The following CSF3R variants were observed in gnomAD, a reference collection of about 807,000 sequenced individuals.
The protein encoded by CSF3R is granulocyte colony-stimulating factor receptor.
CSF3R carries 52 observed loss-of-function variants against 84.4 expected under a neutral mutation model. That is an observed-to-expected ratio of 0.62 (90% CI 0.49 to 0.78). The LOEUF (loss-of-function observed/expected upper bound fraction) is 0.78, where lower values mean the gene tolerates loss of function less well. Ranked by LOEUF, CSF3R falls within the 30% of genes least tolerant of loss-of-function variation. CSF3R has a pLI of 0.00. For missense variants in CSF3R, 890 were observed against 1,055.7 expected (o/e 0.84, Z 2.17); for synonymous variants, 384 against 429.1 (o/e 0.89, Z 1.30).
chr1:36,467,605 C>T lies in CSF3R; in HGVS notation c.1911G>A (p.Leu637=), dbSNP rs771688904. ...CAGTTCCACAGAGGCAGGTGAGCAA[C>T]AGCAGGAGGCCGAACAGGCCCAGGA... ...HIILGLFGLL[L]LLTCLCGTAW... is the part of the protein sequence containing the mutation. The change falls in exon 15 of 17, where the codon CTG becomes CTA. Residue 637 remains leucine (L), a synonymous_variant. Transcript: ENST00000373106. This position sits in a 1 kb window ranked among gnomAD's most constrained non-coding sequence, Gnocchi z 4.1. 1.9e-6 allele frequency: 3 copies of T among 1,614,208 alleles called. No homozygotes were observed. The highest frequency in any genetic ancestry group is 4.5e-5 in the East Asian group (2 of 44,886).
chr1:36,468,210 C>CA lies in CSF3R; in HGVS notation c.1587dup (p.Ala530CysfsTer21), dbSNP rs758886187. 3 of 1,591,030 alleles carry CA rather than the reference C, an allele frequency of 1.9e-6. No individual in the cohort carries two copies. Among genetic ancestry groups the CA allele is most frequent in the Non-Finnish European group, 2.6e-6 (3 of 1,167,940 alleles). ...ATGTGCTTTAGATGCAGCTCTGGGGCATGGGAGGGAGCTATGGGAAGAGAG... is the reference window on the plus strand; with the variant it reads ...ATGTGCTTTAGATGCAGCTCTGGGGCAATGGGAGGGAGCTATGGGAAGAGAG... On this transcript the variant is annotated frameshift_variant, in exon 13 of 17. Coordinates refer to ENST00000373106, the MANE Select transcript of CSF3R (RefSeq NM_000760.4). LOFTEE classifies it high-confidence loss of function.
At position 36,472,733 on chromosome 1, in the gene CSF3R, G is replaced by A; in HGVS notation, c.674-47C>T. ...GAAGGTCTCCCTATCCCACCCTAGA[G>A]GGCTCTGCCTTAGCTCCCTCTTGTC... On this transcript the variant is annotated intron_variant, in intron 6 of 16. Coordinates refer to ENST00000373106, the MANE Select transcript of CSF3R (RefSeq NM_000760.4). This position sits in a 1 kb window ranked among gnomAD's most constrained non-coding sequence, Gnocchi z 5.0. The A allele has an allele frequency of 6.6e-7, 1 of 1,503,888 alleles. No homozygotes were observed. The allele number at this position is 1,503,888 out of a possible 1,614,324, so 93.2% of individuals were successfully genotyped here. A position where few individuals can be genotyped will look rare whatever the true frequency, so the allele number is the denominator to read the frequency against.
chr1:36,469,359 G>C (rs1488791910), intron 11 of CSF3R, 102 bp from the exon 12 acceptor site: 2 of 928,170 alleles, frequency 2.2e-6, no homozygotes, highest in Non-Finnish European at 3.5e-6. Context: ...CTGGCCTCAT[G>C]ATTCAGGGTT....
At chr1:36,483,257 ACCCGGCCCTAAG>A (rs999168917), upstream of CSF3R, 2 of 152,252 alleles carry the variant, frequency 1.3e-5, no homozygotes, top group African/African-American at 4.8e-5. Context: ...TGGAAGGCTC[ACCCGGCCCTAAG>A]CCTCTTTTCA....
In CSF3R at chr1:36,473,551, C is replaced by A; in HGVS notation, c.557G>T (p.Cys186Phe). 2 of 1,614,226 alleles carry A rather than the reference C, an allele frequency of 1.2e-6. No homozygotes were observed. Among genetic ancestry groups the A allele is most frequent in the Non-Finnish European group, 1.7e-6 (2 of 1,180,054 alleles). ...CAGCAGGTGTTTGCGTGGGATGCAG[C>A]AGTGGCTCTGCCCGTCCTTGGGCAC... ...DCVPKDGQSHCCIPRKHLLLY... is the reference protein window; with the variant it reads ...DCVPKDGQSHFCIPRKHLLLY... Residue 186 changes from cysteine to phenylalanine, a missense_variant, in exon 6 of 17, where the codon TGC (cysteine) becomes TTC (phenylalanine). By Grantham distance (205) the Cys-to-Phe change is radical (BLOSUM62 -2). Coordinates refer to ENST00000373106, the MANE Select transcript of CSF3R (RefSeq NM_000760.4).
chr1:36,469,633 C>T lies in CSF3R; in HGVS notation c.1474+19G>A, dbSNP rs747544404. ...TCCCTTTGTCCCTGGCCCTGCCCAACTTTCCAGGCCAGCCTCACCCTTCAG... is the reference window on the plus strand; with the variant it reads ...TCCCTTTGTCCCTGGCCCTGCCCAATTTTCCAGGCCAGCCTCACCCTTCAG... On this transcript the variant is annotated intron_variant, in intron 11 of 16. Transcript: ENST00000373106. The T allele has an allele frequency of 3.1e-6, 5 of 1,613,598 alleles. No individual in the cohort carries two copies. Among genetic ancestry groups the T allele is most frequent in the Non-Finnish European group, 4.2e-6 (5 of 1,180,046 alleles).
At position 36,474,390 on chromosome 1, in the gene CSF3R, C is replaced by CTTT. The variant is rs911099378; in HGVS notation, c.362-506_362-504dup. ...GTGTTAGCAGTGGCCATTACTGGTG[C>CTTT]TTTTTTTTTTTTTTTTTTTTTTTTT... On this transcript the variant is annotated intron_variant, in intron 4 of 16. Transcript: ENST00000373106. 4.2e-3 allele frequency among the ~76,000 whole-genome samples: 365 copies of CTTT among 86,268 alleles called. 5 individuals carry two copies. The highest frequency in any genetic ancestry group is 0.014 in the East Asian group (35 of 2,550). 56.6% of individuals were successfully genotyped at this position (86,268 alleles called of 152,430 possible).
rs1234844208 is a variant in CSF3R at position 36,469,523 on chromosome 1, C to T, written c.1474+129G>A. ...TGATTATGAGGATATGAAATGAGAA[C>T]AACGAAGGATCAAGAAAGGCTGGAG... On this transcript the variant is annotated intron_variant, in intron 11 of 16. Coordinates refer to ENST00000373106, the MANE Select transcript of CSF3R (RefSeq NM_000760.4). The T allele has an allele frequency of 7.7e-6, 9 of 1,169,038 alleles. No individual in the cohort carries two copies. The Admixed American group carries it at 1.6e-4, about 21-fold the overall frequency. 72.4% of individuals were successfully genotyped at this position (1,169,038 alleles called of 1,614,324 possible). A position where few individuals can be genotyped will look rare whatever the true frequency, so the allele number is the denominator to read the frequency against.
At chr1:36,481,159 G>A (rs948322597) in intron 2 of CSF3R, among the ~76,000 whole-genome samples, 4 of 152,154 alleles carry the variant, frequency 2.6e-5, no homozygotes, top group Admixed American at 2.6e-4. Flanking sequence ...TCCCAGCCCT[G>A]TTGCCCTAGC....
At position 36,472,009 on chromosome 1, in the gene CSF3R, A is replaced by T; in HGVS notation, c.1071+57T>A. On this transcript the variant is annotated intron_variant, in intron 9 of 16. Coordinates refer to ENST00000373106, the MANE Select transcript of CSF3R (RefSeq NM_000760.4). The surrounding 1 kb of genome is among the most constrained non-coding windows in gnomAD (Gnocchi z 5.0). Reference sequence around the variant, plus strand: ...GAGTCCTAAGCCCCGGTTTGTAGGGATCTGTTTGGACTGCGGGAGGTGTCG... The same window carrying T: ...GAGTCCTAAGCCCCGGTTTGTAGGGTTCTGTTTGGACTGCGGGAGGTGTCG... The T allele has an allele frequency of 6.4e-7, 1 of 1,552,656 alleles. No homozygotes were observed. The highest frequency in any genetic ancestry group is 8.9e-7 in the Non-Finnish European group (1 of 1,129,884).
At position 36,467,257 on chromosome 1, in the gene CSF3R, G is replaced by T. The variant is rs1281127225; in HGVS notation, c.2013C>A (p.Gly671=). The T allele has an allele frequency of 2.5e-6, 4 of 1,614,092 alleles. No homozygotes were observed. The highest frequency in any genetic ancestry group is 3.4e-6 in the Non-Finnish European group (4 of 1,180,042). ...SVPDPAHSSL[G]SWVPTIMEED... is the part of the protein sequence containing the mutation. ...CCTCCATGATTGTGGGCACCCAGGA[G>T]CCCAGGCTGCTGTGAGCTGGGTCTG... The change falls in exon 16 of 17, where the codon GGC becomes GGA. Residue 671 remains glycine (G), a synonymous_variant. Transcript: ENST00000373106. This position sits in a 1 kb window ranked among gnomAD's most constrained non-coding sequence, Gnocchi z 4.1.
chr1:36,479,455 C>A lies in CSF3R; in HGVS notation c.42G>T (p.Leu14=). Residue 14 remains leucine (L), a synonymous_variant, in exon 3 of 17, where the codon CTG becomes CTT. Transcript: ENST00000373106. ...CACTTCCGGGGAGCAGCAGGATGAT[C>A]AGGGCAGCCCAAGTCAGGCTGCAGT... is the stretch of plus-strand genomic sequence containing the variant. ...LGNCSLTWAA[L]IILLLPGSLE... 1 of 1,614,202 alleles carries A rather than the reference C, an allele frequency of 6.2e-7. No homozygotes were observed. Among genetic ancestry groups the A allele is most frequent in the South Asian group, 1.1e-5 (1 of 91,078 alleles).
chr1:36,471,483 T>A lies in CSF3R; in HGVS notation c.1235A>T (p.Asn412Ile). The change falls in exon 10 of 17, where the codon AAC becomes ATC. Residue 412 changes from asparagine to isoleucine, a missense_variant. Transcript: ENST00000373106. ...EAQEVALVAYNSAGTSRPTPV... is the reference protein window; with the variant it reads ...EAQEVALVAYISAGTSRPTPV... ...AGTGGGACGAGAGGTCCCGGCTGAG[T>A]TATAGGCCACAAGGGCCACCTCCTG... The A allele has an allele frequency of 1.2e-6, 2 of 1,614,172 alleles. No individual in the cohort carries two copies. The highest frequency in any genetic ancestry group is 1.7e-6 in the Non-Finnish European group (2 of 1,180,022).
In CSF3R at chr1:36,479,521, AG is replaced by A. The variant is rs1402839284; in HGVS notation, c.-20-6del. The A allele has an allele frequency of 1.2e-6, 2 of 1,611,064 alleles. No individual in the cohort carries two copies. Among genetic ancestry groups the A allele is most frequent in the Non-Finnish European group, 1.7e-6 (2 of 1,177,176 alleles). ...TAGCACCAACTTGATGTTCACCTGT[AG>A]GCAGAAGGGTTGTTTAAGACCATGG... On this transcript the variant is annotated splice_polypyrimidine_tract_variant and splice_region_variant and intron_variant, in intron 2 of 16. Coordinates refer to ENST00000373106, the MANE Select transcript of CSF3R (RefSeq NM_000760.4).
Position 36,467,425 on chromosome 1 carries a change from G to A in CSF3R, c.1959-114C>T, listed in dbSNP as rs918358882. The A allele has an allele frequency of 7.1e-7, 1 of 1,403,256 alleles. No homozygotes were observed. Among genetic ancestry groups the A allele is most frequent in the African/African-American group, 1.4e-5 (1 of 70,538 alleles). The allele number at this position is 1,403,256 out of a possible 1,614,324, so 86.9% of individuals were successfully genotyped here. On this transcript the variant is annotated intron_variant, in intron 15 of 16. Transcript: ENST00000373106. The surrounding 1 kb of genome is among the most constrained non-coding windows in gnomAD (Gnocchi z 4.1). ...GCTGCCCTTAGTGCAGAGAGAAGAA[G>A]CTGGGGGCTGGGACTCTCAGACATG...
rs761678372 is a variant in CSF3R, at chr1:36,469,777, T to C, written c.1349A>G (p.Glu450Gly). Reference protein sequence around the residue: ...RDPHSLWVGWEPPNPWPQGYV... With the variant: ...RDPHSLWVGWGPPNPWPQGYV... ...GCCCTGAGGCCATGGATTGGGGGGC[T>C]CCCAGCCTACCCAGAGGCTGTGAGG... is the stretch of plus-strand genomic sequence containing the variant. The change falls in exon 11 of 17, where the codon GAG (glutamate) becomes GGG (glycine). Residue 450 changes from glutamate (E) to glycine (G), a missense_variant. Coordinates refer to ENST00000373106, the MANE Select transcript of CSF3R (RefSeq NM_000760.4). 6.2e-7 allele frequency: 1 copy of C among 1,613,994 alleles called. No homozygotes were observed. The highest frequency in any genetic ancestry group is 1.1e-5 in the South Asian group (1 of 91,060).
chr1:36,477,844 C>T lies in CSF3R; in HGVS notation c.64+1589G>A, dbSNP rs1057402879. On this transcript the variant is annotated intron_variant, in intron 3 of 16. Transcript: ENST00000373106. ...CGTGATCTCGGCTTACTGCAAGCGC[C>T]GCCTGCTGGGCTCACGCCATTGTCC... 6.6e-5 allele frequency among the ~76,000 whole-genome samples: 10 copies of T among 151,964 alleles called. 1 individual carries two copies. Among genetic ancestry groups the T allele is most frequent in the South Asian group, 2.1e-4 (1 of 4,822 alleles).
intron 1 of CSF3R, among the ~76,000 whole-genome samples, chr1:36,482,388 C>T (rs1444606034): frequency 6.6e-6 from 1 of 151,400 alleles, no homozygotes; most frequent in South Asian, 2.1e-4. Context: ...AGGAAATATG[C>T]GAGACAGAGA....
chr1:36,472,034 G>T lies in CSF3R; in HGVS notation c.1071+32C>A, dbSNP rs3917975. 1 of 1,607,102 alleles carries T rather than the reference G, an allele frequency of 6.2e-7. No individual in the cohort carries two copies. Among genetic ancestry groups the T allele is most frequent in the Non-Finnish European group, 8.5e-7 (1 of 1,175,984 alleles). ...ATCTGTTTGGACTGCGGGAGGTGTC[G>T]AGGTGGAGGGATGGCCTTCAGAGGG... On this transcript the variant is annotated intron_variant, in intron 9 of 16. Coordinates refer to ENST00000373106, the MANE Select transcript of CSF3R (RefSeq NM_000760.4). The surrounding 1 kb of genome is among the most constrained non-coding windows in gnomAD (Gnocchi z 5.0).
Sources: allele counts gnomAD v4.1 joint callset (sites outside exome capture counted in the v4.1 genomes callset), GRCh38; gene constraint gnomAD v4.1.1; non-coding constraint Gnocchi (gnomAD v3.1); transcripts MANE v1.5; gene names NCBI Gene and HGNC (gene_info 2026-07-23, HGNC 2026-07-21).